Variants in TRIO observed in about 807,000 individuals in gnomAD.
TRIO encodes the protein triple functional domain protein.
Under a neutral mutation model 351.9 loss-of-function variants are expected in TRIO, and 58 were observed. The ratio of observed to expected loss-of-function variants is 0.16; its 90% CI spans 0.13 to 0.21. The LOEUF (loss-of-function observed/expected upper bound fraction) is 0.21. Ranked by LOEUF, TRIO falls within the 10% of genes least tolerant of loss-of-function variation. The probability of loss-of-function intolerance (pLI) is 1.00; values close to 1 mark genes in which losing one functional copy is unlikely to be tolerated. For synonymous variants in TRIO, 1,758 were observed against 1,595.7 expected (o/e 1.10, Z -2.42); for missense variants, 3,201 against 4,027.8 (o/e 0.79, Z 5.56).
chr5:14,509,107 G>T lies in TRIO; in HGVS notation c.*685G>T. ...CCTGGGGCTTCCTCTGGGGGTCCGA[G>T]GGTCTTCCCATCACATGAAGACATC... On this transcript the variant is annotated 3_prime_UTR_variant, in exon 57 of 57. Coordinates refer to ENST00000344204, the MANE Select transcript of TRIO (RefSeq NM_007118.4). 1 of 191,212 alleles carries T rather than the reference G, an allele frequency of 5.2e-6. No homozygotes were observed. Among genetic ancestry groups the T allele is most frequent in the Non-Finnish European group, 1.1e-5 (1 of 93,262 alleles). 11.8% of individuals were successfully genotyped at this position (191,212 alleles called of 1,614,324 possible).
chr5:14,330,960 A>G (rs746070579), intron 10 of TRIO, 60 bp downstream of exon 10: 24 of 1,603,598 alleles, frequency 1.5e-5, no homozygotes, highest in Non-Finnish European at 2.0e-5. Flanking sequence ...ATTTTGGATT[A>G]CAGTTTTAAC....
At chr5:14,482,132 G>A (rs1313296149) in intron 45 of TRIO, among the ~76,000 whole-genome samples, 1 of 152,166 alleles carries the variant, frequency 6.6e-6, no homozygotes, top group African/African-American at 2.4e-5. Context: ...TAAGGAGGCA[G>A]GAGAAGTTTT....
intron 11 of TRIO, among the ~76,000 whole-genome samples, chr5:14,351,286 G>A (rs1014407624): frequency 3.9e-5 from 6 of 152,256 alleles, no homozygotes; most frequent in African/African-American, 1.2e-4. Flanking sequence ...CATGCTGCAC[G>A]TGGATGAGGC....
Position 14,397,099 on chromosome 5 carries a change from G to C in TRIO, c.4368G>C (p.Val1456=). The C allele has an allele frequency of 6.2e-7, 1 of 1,610,048 alleles. No individual in the cohort carries two copies. The highest frequency in any genetic ancestry group is 8.5e-7 in the Non-Finnish European group (1 of 1,178,940). Residue 1456 remains valine, a synonymous_variant, in exon 29 of 57, where the codon GTG becomes GTC. Coordinates refer to ENST00000344204, the MANE Select transcript of TRIO (RefSeq NM_007118.4). ...GKGEIKDGLE[V]MLSVPKRAND... ...GAGAGATTAAAGATGGCCTGGAGGTGATGCTCAGCGTGCCGAAGCGAGCCA... is the reference window on the plus strand; with the variant it reads ...GAGAGATTAAAGATGGCCTGGAGGTCATGCTCAGCGTGCCGAAGCGAGCCA...
intron 37 of TRIO, 101 bp from the exon 38 acceptor site, chr5:14,471,217 C>T: frequency 1.5e-6 from 2 of 1,343,996 alleles, no homozygotes; most frequent in African/African-American, 1.5e-5. Context: ...TTCACAAATA[C>T]ATTTTCTGTA....
At chr5:14,165,853 A>G (rs1204983446) in intron 1 of TRIO, among the ~76,000 whole-genome samples, 15 of 152,240 alleles carry the variant, frequency 9.9e-5, no homozygotes, top group Non-Finnish European at 5.9e-5. Context: ...CTCCAGAGGT[A>G]GGAACGCCAA....
chr5:14,274,728 C>A (rs1383376466), intron 2 of TRIO, among the ~76,000 whole-genome samples: 1 of 151,982 alleles, frequency 6.6e-6, no homozygotes, highest in Non-Finnish European at 1.5e-5. Flanking sequence ...TGTTTTTTCC[C>A]CCAATAAAGA....
intron 4 of TRIO, among the ~76,000 whole-genome samples, chr5:14,288,531 G>A (rs1179797966): frequency 2.0e-5 from 3 of 152,130 alleles, no homozygotes; most frequent in Non-Finnish European, 4.4e-5. Context: ...GCCGGGCGTG[G>A]TGGCAGGCAC....
chr5:14,279,828 C>T (rs957105208), intron 2 of TRIO, among the ~76,000 whole-genome samples: 14 of 152,204 alleles, frequency 9.2e-5, no homozygotes, highest in South Asian at 4.1e-4. Flanking sequence ...TGCCATCCGT[C>T]GCAGATTATA....
chr5:14,259,008 G>C (rs1242616219), intron 1 of TRIO, among the ~76,000 whole-genome samples: 1 of 152,172 alleles, frequency 6.6e-6, no homozygotes, highest in Non-Finnish European at 1.5e-5. Context: ...TAATCCAAGG[G>C]AGGAGACGCC....
At chr5:14,416,690 C>G (rs1376510980) in intron 33 of TRIO, among the ~76,000 whole-genome samples, 1 of 152,188 alleles carries the variant, frequency 6.6e-6, no homozygotes, top group African/African-American at 2.4e-5. Context: ...AAAATCAGTG[C>G]CAGAAATAAA....
In TRIO at chr5:14,465,788, G is replaced by A. The variant is rs560126463; in HGVS notation, c.5763+148G>A. On this transcript the variant is annotated intron_variant, in intron 37 of 56. Transcript: ENST00000344204. Reference sequence around the variant, plus strand: ...CTCAGGAGTCCCCATGACCACCCTCGGGTTCACTGATTTGAAGGACTCAGA... The same window carrying A: ...CTCAGGAGTCCCCATGACCACCCTCAGGTTCACTGATTTGAAGGACTCAGA... The A allele has an allele frequency of 1.6e-4, 127 of 771,466 alleles. 1 individual carries two copies. The highest frequency in any genetic ancestry group is 2.4e-4 in the Non-Finnish European group (111 of 459,104). The allele number at this position is 771,466 out of a possible 1,614,324, so 47.8% of individuals were successfully genotyped here. A position where few individuals can be genotyped will look rare whatever the true frequency, so the allele number is the denominator to read the frequency against.
chr5:14,247,524 G>C (rs1794507115), intron 1 of TRIO, among the ~76,000 whole-genome samples: 1 of 152,146 alleles, frequency 6.6e-6, no homozygotes, highest in Admixed American at 6.6e-5. Flanking sequence ...AGAAACTCTT[G>C]ATCATTTGAA....
intron 7 of TRIO, among the ~76,000 whole-genome samples, chr5:14,300,567 T>G (rs1024035781): frequency 6.6e-6 from 1 of 152,218 alleles, no homozygotes; most frequent in Non-Finnish European, 1.5e-5. Flanking sequence ...ACTTTAGGCC[T>G]TCTGTACTTT....
intron 1 of TRIO, among the ~76,000 whole-genome samples, chr5:14,173,601 G>GT (rs920429851): frequency 1.3e-5 from 2 of 151,976 alleles, no homozygotes; most frequent in African/African-American, 4.8e-5. Flanking sequence ...TTTTTGTTTT[G>GT]TTTTTTGTTT....
chr5:14,343,429 C>T (rs1329225812), intron 11 of TRIO, among the ~76,000 whole-genome samples: 2 of 152,236 alleles, frequency 1.3e-5, no homozygotes, highest in Middle Eastern at 3.4e-3. Flanking sequence ...CATCTCTAAC[C>T]CCTGGCAACC....
At chr5:14,355,077 G>C (rs1221948870) in intron 11 of TRIO, among the ~76,000 whole-genome samples, 1 of 152,194 alleles carries the variant, frequency 6.6e-6, no homozygotes, top group Non-Finnish European at 1.5e-5. Context: ...CGACTCAAAG[G>C]GTTTGCTTTG....
chr5:14,441,766 AAAC>A (rs1752070530), intron 34 of TRIO, among the ~76,000 whole-genome samples: 1 of 152,202 alleles, frequency 6.6e-6, no homozygotes, highest in Admixed American at 6.5e-5. Flanking sequence ...AGACTAGAGA[AAAC>A]AACATGTCCT....
At chr5:14,471,275 G>T (rs756340268) in intron 37 of TRIO, 43 bp from the exon 38 acceptor site, 1 of 1,598,978 alleles carries the variant, frequency 6.3e-7, no homozygotes, top group South Asian at 1.1e-5. Flanking sequence ...CCAATCATGG[G>T]CTGTGGGCAG....
Sources: gnomAD v4.1 joint callset for allele counts (sites outside exome capture counted in the v4.1 genomes callset) on GRCh38, gnomAD v4.1.1 for gene constraint, MANE v1.5 for transcripts, NCBI Gene and HGNC (gene_info 2026-07-23, HGNC 2026-07-21) for gene names.